WDR19: variants seen among roughly 807,000 people sequenced by gnomAD.
WDR19 encodes WD repeat-containing protein 19.
A neutral mutation model predicts 180.0 loss-of-function variants in WDR19; 121 were observed. The ratio of observed to expected loss-of-function variants is 0.67; its 90% CI spans 0.58 to 0.78. WDR19 has a LOEUF of 0.78. WDR19 is among the 30% of genes least tolerant of loss of function. WDR19 has a pLI of 0.00. For synonymous variants in WDR19, 497 were observed against 540.7 expected (o/e 0.92, Z 1.12); for missense variants, 1,450 against 1,640.7 (o/e 0.88, Z 2.01).
intron 24 of WDR19, among the ~76,000 whole-genome samples, chr4:39,249,091 G>GAAGT (rs1166779036): frequency 6.6e-6 from 1 of 152,054 alleles, no homozygotes; most frequent in Non-Finnish European, 1.5e-5. Flanking sequence ...CACATAGTTG[G>GAAGT]AAGTAAAGCA....
intron 10 of WDR19, 139 bp from the exon 11 acceptor site, chr4:39,215,702 T>A: frequency 1.4e-6 from 1 of 739,428 alleles, no homozygotes; most frequent in Non-Finnish European, 1.9e-6. Context: ...TTTCCTAGTC[T>A]AAAAAAAAAA....
At chr4:39,242,945 G>A (rs1468098994) in intron 21 of WDR19, among the ~76,000 whole-genome samples, 1 of 152,056 alleles carries the variant, frequency 6.6e-6, no homozygotes, top group Non-Finnish European at 1.5e-5. Context: ...TGGGATAATA[G>A]GCTTGAGCCA....
At chr4:39,255,335 G>A (rs1733641939) in intron 26 of WDR19, among the ~76,000 whole-genome samples, 2 of 152,226 alleles carry the variant, frequency 1.3e-5, no homozygotes, top group East Asian at 1.9e-4. Flanking sequence ...CCAGCTGGAG[G>A]CGCAGCATGG....
chr4:39,236,132 A>G (rs1282026052), intron 20 of WDR19, among the ~76,000 whole-genome samples: 1 of 152,216 alleles, frequency 6.6e-6, no homozygotes, highest in African/African-American at 2.4e-5. Flanking sequence ...ACCACTACTG[A>G]GTGTATACCC....
rs16995178 is a variant in WDR19 at position 39,203,800 on chromosome 4, C to G, written c.603+78C>G. ...TGTATAATTTACTTTTCTTGGATGACTAAAATAGTGATAAATAAATTAGGT... is the reference window on the plus strand; with the variant it reads ...TGTATAATTTACTTTTCTTGGATGAGTAAAATAGTGATAAATAAATTAGGT... On this transcript the variant is annotated intron_variant, in intron 7 of 36. Transcript: ENST00000399820. The G allele has an allele frequency of 2.3e-3, 3,015 of 1,296,334 alleles. 61 individuals are homozygous for G. The African/African-American group carries it at 0.038, about 16-fold the overall frequency. The allele number at this position is 1,296,334 out of a possible 1,614,324, so 80.3% of individuals were successfully genotyped here. A position where few individuals can be genotyped will look rare whatever the true frequency, so the allele number is the denominator to read the frequency against.
intron 18 of WDR19, 63 bp from the exon 19 acceptor site, chr4:39,232,099 T>TAA (rs113407055): frequency 2.7e-3 from 3,417 of 1,278,042 alleles, no homozygotes; most frequent in South Asian, 4.1e-3. Flanking sequence ...TCAAAGTCCT[T>TAA]AAAAAAAAAA....
At chr4:39,207,229 GAGTC>G (rs1476093598) in intron 9 of WDR19, among the ~76,000 whole-genome samples, 2 of 152,136 alleles carry the variant, frequency 1.3e-5, no homozygotes, top group Non-Finnish European at 2.9e-5. Context: ...AGAAAATAAA[GAGTC>G]AGTGAACTTG....
intron 32 of WDR19, 140 bp from the exon 33 acceptor site, chr4:39,274,668 A>G: frequency 1.0e-6 from 1 of 994,722 alleles, no homozygotes; most frequent in Non-Finnish European, 1.5e-6. Flanking sequence ...CATTAAACAG[A>G]TCATATCTGG....
chr4:39,247,259 C>T (rs1467835462), intron 24 of WDR19, among the ~76,000 whole-genome samples: 4 of 152,166 alleles, frequency 2.6e-5, no homozygotes, highest in Non-Finnish European at 5.9e-5. Flanking sequence ...TGGAGTGGAC[C>T]TTCAGTAAAC....
chr4:39,249,913 G>A (rs915514757), intron 24 of WDR19, among the ~76,000 whole-genome samples: 6 of 152,048 alleles, frequency 3.9e-5, no homozygotes, highest in Non-Finnish European at 4.4e-5. Flanking sequence ...TTCTACCAGA[G>A]GTACAAGGAG....
chr4:39,200,119 T>C (rs1727218100), intron 6 of WDR19, among the ~76,000 whole-genome samples: 1 of 152,214 alleles, frequency 6.6e-6, no homozygotes, highest in Non-Finnish European at 1.5e-5. Flanking sequence ...CTACATAATG[T>C]GGCCAATGGG....
intron 4 of WDR19, among the ~76,000 whole-genome samples, chr4:39,191,320 A>T (rs1035164423): frequency 6.6e-6 from 1 of 152,220 alleles, no homozygotes; most frequent in Admixed American, 6.5e-5. Flanking sequence ...CCTGTTGTAC[A>T]TGACCACCTT....
intron 29 of WDR19, among the ~76,000 whole-genome samples, chr4:39,266,391 G>T (rs573065567): frequency 6.6e-6 from 1 of 152,104 alleles, no homozygotes; most frequent in South Asian, 2.1e-4. Context: ...AAAAAAAATC[G>T]CAAAAAAAAC....
intron 13 of WDR19, among the ~76,000 whole-genome samples, chr4:39,217,660 T>C (rs138997631): frequency 7.2e-5 from 11 of 152,270 alleles, no homozygotes; most frequent in African/African-American, 2.6e-4. Context: ...GTTCAAGAGA[T>C]GTTGGCACCT....
intron 21 of WDR19, among the ~76,000 whole-genome samples, chr4:39,241,795 CAA>C (rs539065242): frequency 4.8e-5 from 6 of 125,856 alleles, no homozygotes; most frequent in Non-Finnish European, 6.8e-5. Context: ...AACTCTGTCT[CAA>C]AAAAAAAAAA....
chr4:39,279,756 C>T (rs997122330), intron 36 of WDR19, among the ~76,000 whole-genome samples: 10 of 143,196 alleles, frequency 7.0e-5, no homozygotes, highest in Non-Finnish European at 6.0e-5. Context: ...GGCTAGAGTA[C>T]AGTGGCATGA....
In WDR19 at chr4:39,270,088, T is replaced by C; in HGVS notation, c.3471T>C (p.Tyr1157=). Residue 1157 remains tyrosine (Y), a synonymous_variant, in exon 31 of 37, where the codon TAT becomes TAC. Coordinates refer to ENST00000399820, the MANE Select transcript of WDR19 (RefSeq NM_025132.4). ...MATNLMILHS[Y]ILVKIHVKNG... is the part of the protein sequence containing the mutation. ...CCAACCTCATGATTCTGCACAGCTA[T>C]ATACTAGTAAAGGTGAGGCCCATGG... The C allele has an allele frequency of 6.2e-7, 1 of 1,613,894 alleles. No homozygotes were observed. Among genetic ancestry groups the C allele is most frequent in the Non-Finnish European group, 8.5e-7 (1 of 1,179,862 alleles).
At chr4:39,271,161 T>A (rs1436276044) in intron 31 of WDR19, among the ~76,000 whole-genome samples, 1 of 152,174 alleles carries the variant, frequency 6.6e-6, no homozygotes, top group African/African-American at 2.4e-5. Flanking sequence ...CCTCCCAAAG[T>A]GCTGGGATTA....
intron 25 of WDR19, 93 bp from the exon 26 acceptor site, chr4:39,253,813 A>C: frequency 8.7e-6 from 10 of 1,144,560 alleles, no homozygotes; most frequent in Non-Finnish European, 9.7e-6. Context: ...TTATCTAAAA[A>C]TTTTGATTTT....
Sources: allele counts gnomAD v4.1 joint callset (sites outside exome capture counted in the v4.1 genomes callset), GRCh38; gene constraint gnomAD v4.1.1; transcripts MANE v1.5; gene names NCBI Gene and HGNC (gene_info 2026-07-23, HGNC 2026-07-21).